Variants in USP24 observed in about 807,000 individuals in gnomAD.
USP24 encodes ubiquitin specific peptidase 24.
A neutral mutation model predicts 361.6 loss-of-function variants in USP24; 97 were observed. That is an observed-to-expected ratio of 0.27 (90% CI 0.23 to 0.32). USP24 has a LOEUF of 0.32. USP24 is among the 10% of genes least tolerant of loss of function. The pLI is 1.00. For synonymous variants in USP24, 1,098 were observed against 1,124.6 expected, an observed-to-expected ratio of 0.98 and a Z score of 0.47; for missense variants, 2,353 against 3,165.6, an observed-to-expected ratio of 0.74 and a Z score of 6.16.
chr1:55,141,566 T>A lies in USP24; in HGVS notation c.2750+50A>T, dbSNP rs1415931444. 6.1e-6 allele frequency: 9 copies of A among 1,478,936 alleles called. No homozygotes were observed. In the Admixed American group the frequency reaches 7.9e-5, roughly 13 times the overall value. The allele number at this position is 1,478,936 out of a possible 1,614,324, so 91.6% of individuals were successfully genotyped here. On this transcript the variant is annotated intron_variant, in intron 24 of 67. Transcript: ENST00000294383. ...CCTACATAAAAAACACCAATCATTT[T>A]AAAAAACTGACATATGTGTGTTGTG...
Position 55,125,511 on chromosome 1 carries a change from C to G in USP24, c.3769G>C (p.Asp1257His), listed in dbSNP as rs1646402477. The G allele has an allele frequency of 6.2e-7, 1 of 1,613,920 alleles. No homozygotes were observed. Among genetic ancestry groups the G allele is most frequent in the Non-Finnish European group, 8.5e-7 (1 of 1,179,846 alleles). The change falls in exon 34 of 68, where the codon GAT becomes CAT. Residue 1257 changes from aspartate (D) to histidine (H), a missense_variant. Physicochemically the swap from Asp to His is moderately conservative, Grantham distance 81. Transcript: ENST00000294383. ...LVGQTMPTLL[D>H]EDLTKDGIEA... ...ATACCATCTTTGGTGAGGTCTTCAT[C>G]TAATAACGTGGGCATTGTTTGTCCG... is the stretch of plus-strand genomic sequence containing the variant.
At chr1:55,156,773 A>T (rs925813764) in intron 12 of USP24, among the ~76,000 whole-genome samples, 175 bp downstream of exon 12, 1 of 152,148 alleles carries the variant, frequency 6.6e-6, no homozygotes, top group Non-Finnish European at 1.5e-5. Context: ...TCTTGTGGTG[A>T]GTGGATTTAC....
In USP24 at chr1:55,137,502, G is replaced by T; in HGVS notation, c.3201+13C>A. On this transcript the variant is annotated intron_variant, in intron 28 of 67. Coordinates refer to ENST00000294383, the MANE Select transcript of USP24 (RefSeq NM_015306.3). ...AAGTTCTTGTTTTTAAATGGAAATT[G>T]ATCACCCAGTACCTGCTCCATGGCA... 6.2e-7 allele frequency: 1 copy of T among 1,603,792 alleles called. No individual in the cohort carries two copies. Among genetic ancestry groups the T allele is most frequent in the South Asian group, 1.1e-5 (1 of 89,004 alleles).
intron 1 of USP24, among the ~76,000 whole-genome samples, chr1:55,181,332 G>A (rs1317870363): frequency 3.9e-5 from 6 of 152,112 alleles, no homozygotes; most frequent in Admixed American, 1.3e-4. Context: ...ATGTAAATTG[G>A]ACAAGGGTAG....
intron 38 of USP24, among the ~76,000 whole-genome samples, chr1:55,111,626 G>A (rs1356990154): frequency 6.6e-6 from 1 of 151,992 alleles, no homozygotes; most frequent in African/African-American, 2.4e-5. Context: ...GTTTACTGGG[G>A]GAAGCCATTC....
chr1:55,073,740 T>C, intron 64 of USP24, 88 bp downstream of exon 64: 1 of 1,283,998 alleles, frequency 7.8e-7, no homozygotes, highest in Middle Eastern at 1.8e-4. Context: ...TCTCCAGGTA[T>C]CAAAACCGGG....
intron 1 of USP24, among the ~76,000 whole-genome samples, chr1:55,198,385 G>C (rs1644474769): frequency 6.6e-6 from 1 of 152,218 alleles, no homozygotes; most frequent in African/African-American, 2.4e-5. Context: ...GAAAGGGAAA[G>C]AGAACAAGGC....
intron 32 of USP24, among the ~76,000 whole-genome samples, chr1:55,127,190 T>C (rs1217591519): frequency 6.6e-6 from 1 of 151,966 alleles, no homozygotes; most frequent in African/African-American, 2.4e-5. Context: ...TAGCATTAGG[T>C]ATATCTCCTA....
chr1:55,101,770 A>G (rs1050845849), intron 42 of USP24, 67 bp from the exon 43 acceptor site: 1 of 1,477,600 alleles, frequency 6.8e-7, no homozygotes, highest in Non-Finnish European at 9.0e-7. Flanking sequence ...ACACATTTAC[A>G]CTATAGCTAT....
rs142736716 is a variant in USP24, at chr1:55,077,633, T to G, written c.7315-333A>C. On this transcript the variant is annotated intron_variant, in intron 61 of 67. Coordinates refer to ENST00000294383, the MANE Select transcript of USP24 (RefSeq NM_015306.3). The stretch of plus-strand genomic sequence containing the variant: ...GTTTTCCAGAAGATGCTGGTAGAGC[T>G]ACAAGAATACAAATGGGAATACTCT... Among the ~76,000 whole-genome samples, 382 of 152,288 alleles carry G rather than the reference T, an allele frequency of 2.5e-3. 2 individuals are homozygous for G. The highest frequency in any genetic ancestry group is 8.4e-3 in the African/African-American group (349 of 41,552).
intron 39 of USP24, among the ~76,000 whole-genome samples, chr1:55,107,755 T>C (rs1645819076): frequency 6.8e-6 from 1 of 148,048 alleles, no homozygotes; most frequent in South Asian, 2.1e-4. Flanking sequence ...GGCAGGAGAA[T>C]TGCTTGAACC....
At chr1:55,122,982 G>C (rs1260383898) in intron 36 of USP24, among the ~76,000 whole-genome samples, 5 of 152,140 alleles carry the variant, frequency 3.3e-5, no homozygotes, top group Admixed American at 6.5e-5. Flanking sequence ...TGGAGATAGA[G>C]AAGAGATGAT....
At chr1:55,140,505 A>C (rs1646857542) in intron 24 of USP24, among the ~76,000 whole-genome samples, 1 of 152,216 alleles carries the variant, frequency 6.6e-6, no homozygotes, top group Non-Finnish European at 1.5e-5. Context: ...TTAAAAAAGA[A>C]GTCTGAGAAA....
At chr1:55,167,197 C>T (rs1472251309) in intron 5 of USP24, among the ~76,000 whole-genome samples, 2 of 151,908 alleles carry the variant, frequency 1.3e-5, no homozygotes, top group Non-Finnish European at 2.9e-5. Context: ...CTAAGTCCCA[C>T]GAAAGGAAAA....
chr1:55,171,037 TTTTAACTAAAGGAC>T (rs1365474583), intron 5 of USP24, among the ~76,000 whole-genome samples: 1 of 152,182 alleles, frequency 6.6e-6, no homozygotes, highest in African/African-American at 2.4e-5. Flanking sequence ...CCAAACAGTG[TTTTAACTAAAGGAC>T]TGTTTAGATT....
intron 1 of USP24, among the ~76,000 whole-genome samples, chr1:55,186,545 A>C (rs745684331): frequency 6.6e-6 from 1 of 152,230 alleles, no homozygotes; most frequent in African/African-American, 2.4e-5. Context: ...CAAATGAATA[A>C]ACAAAATATG....
At chr1:55,149,865 A>G (rs1647144920) in intron 16 of USP24, among the ~76,000 whole-genome samples, 2 of 152,228 alleles carry the variant, frequency 1.3e-5, no homozygotes, top group Non-Finnish European at 2.9e-5. Context: ...CTTAAATGTT[A>G]TCAAAAAGAT....
chr1:55,069,188 CAT>C (rs1485640804), intron 67 of USP24, 81 bp from the exon 68 acceptor site: 47 of 1,418,422 alleles, frequency 3.3e-5, no homozygotes, highest in Non-Finnish European at 4.4e-5. Flanking sequence ...GCAATTTAAA[CAT>C]GTCTTCATCT....
At chr1:55,212,912 A>G (rs899862140) in intron 1 of USP24, among the ~76,000 whole-genome samples, 2 of 152,214 alleles carry the variant, frequency 1.3e-5, no homozygotes, top group African/African-American at 4.8e-5. Flanking sequence ...TTAGCCTGCC[A>G]TTCACGTAAG....
Sources: allele counts gnomAD v4.1 joint callset (sites outside exome capture counted in the v4.1 genomes callset), GRCh38; gene constraint gnomAD v4.1.1; transcripts MANE v1.5; gene names NCBI Gene and HGNC (gene_info 2026-07-23, HGNC 2026-07-21).